SLC36A1: variants seen among roughly 807,000 people sequenced by gnomAD.
SLC36A1 encodes solute carrier family 36 member 1.
A neutral mutation model predicts 47.5 loss-of-function variants in SLC36A1; 30 were observed. The observed-to-expected ratio is 0.63, with a 90% CI of 0.47 to 0.86. The LOEUF (loss-of-function observed/expected upper bound fraction) is 0.86, where lower values mean the gene tolerates loss of function less well. Among genes scored for constraint, SLC36A1 ranks in the 40% least tolerant of loss-of-function variants. The pLI is 0.00. For synonymous variants in SLC36A1, 255 were observed against 249.7 expected (o/e 1.02, Z -0.20); for missense variants, 517 against 606.0 (o/e 0.85, Z 1.54).
downstream of SLC36A1, among the ~76,000 whole-genome samples, chr5:151,495,750 A>G (rs1760321002): frequency 6.6e-6 from 1 of 152,178 alleles, no homozygotes; most frequent in Admixed American, 6.5e-5. Flanking sequence ...AATTAATAAT[A>G]ATAATTCAAT....
chr5:151,432,705 T>C (rs1202001555), upstream of SLC36A1, among the ~76,000 whole-genome samples: 1 of 152,124 alleles, frequency 6.6e-6, no homozygotes, highest in East Asian at 1.9e-4. Flanking sequence ...TTTTCTCTGG[T>C]TGGGCAGAAA....
intron 1 of SLC36A1, among the ~76,000 whole-genome samples, chr5:151,442,417 C>A (rs1296135919): frequency 5.9e-5 from 9 of 152,060 alleles, no homozygotes. Flanking sequence ...TTATGAGGTA[C>A]ACAGTGATGT....
the SLC36A1 span, among the ~76,000 whole-genome samples, chr5:151,526,901 C>T: frequency 6.6e-6 from 1 of 152,066 alleles, no homozygotes; most frequent in Non-Finnish European, 1.5e-5. Context: ...TGGAAACAAA[C>T]AAAAAAATCC....
the SLC36A1 span, chr5:151,540,900 A>G: frequency 1.5e-6 from 1 of 664,564 alleles, no homozygotes. Context: ...CTAGGAACCC[A>G]CGATTCTACA....
intron 5 of SLC36A1, among the ~76,000 whole-genome samples, chr5:151,466,513 G>T (rs748312730): frequency 6.7e-6 from 1 of 150,184 alleles, no homozygotes; most frequent in Non-Finnish European, 1.5e-5. Context: ...ATTTAAGAAC[G>T]GTCTATAATT....
chr5:151,554,358 T>C, the SLC36A1 span: 1 of 1,607,650 alleles, frequency 6.2e-7, no homozygotes, highest in Non-Finnish European at 8.5e-7. Context: ...TTCTGTCTGC[T>C]CACCGTTAGG....
the SLC36A1 span, among the ~76,000 whole-genome samples, chr5:151,533,393 AACACACACACACACACACACACACAC>A: frequency 2.3e-5 from 3 of 132,114 alleles, no homozygotes; most frequent in South Asian, 2.7e-4. Flanking sequence ...TGTTATCTCC[AACACACACACACACACACACACACAC>A]ACACACACAC....
At chr5:151,509,995 T>C in the SLC36A1 span, 1 of 1,609,896 alleles carries the variant, frequency 6.2e-7, no homozygotes, top group South Asian at 1.1e-5. Flanking sequence ...AAGGAGCCCA[T>C]GGCAGGTGGC....
chr5:151,399,642 A>C, the SLC36A1 span, among the ~76,000 whole-genome samples: 1 of 152,180 alleles, frequency 6.6e-6, no homozygotes, highest in Non-Finnish European at 1.5e-5. Context: ...TTAAATAGTA[A>C]TTTTAAATAT....
intron 10 of SLC36A1, among the ~76,000 whole-genome samples, chr5:151,484,972 G>A (rs572157221): frequency 5.3e-5 from 8 of 151,998 alleles, no homozygotes; most frequent in Non-Finnish European, 1.2e-4. Context: ...ATTAGGCAGG[G>A]AGACCCAGAC....
At chr5:151,550,462 A>G in the SLC36A1 span, 1 of 1,089,638 alleles carries the variant, frequency 9.2e-7, no homozygotes. Context: ...CAGCTGTGAA[A>G]TGTCACAACT....
the SLC36A1 span, chr5:151,544,815 A>T: frequency 6.2e-7 from 1 of 1,614,222 alleles, no homozygotes; most frequent in Non-Finnish European, 8.5e-7. Context: ...CATATGTAAC[A>T]GCCCCATTTG....
At chr5:151,502,138 CCT>C in the SLC36A1 span, among the ~76,000 whole-genome samples, 1 of 147,658 alleles carries the variant, frequency 6.8e-6, no homozygotes, top group Non-Finnish European at 1.5e-5. Flanking sequence ...ATGGCGAAAC[CCT>C]GTCTCTACTA....
chr5:151,538,143 G>T, the SLC36A1 span, among the ~76,000 whole-genome samples: 1 of 151,934 alleles, frequency 6.6e-6, no homozygotes, highest in African/African-American at 2.4e-5. Flanking sequence ...GAACAGAGGA[G>T]GTAGAATAAG....
intron 1 of SLC36A1, among the ~76,000 whole-genome samples, chr5:151,455,222 G>A (rs1012299816): frequency 6.6e-6 from 1 of 152,312 alleles, no homozygotes; most frequent in African/African-American, 2.4e-5. Context: ...TGGAGCCGAT[G>A]TCTACCCATG....
chr5:151,460,028 T>G (rs1755274053), intron 2 of SLC36A1, among the ~76,000 whole-genome samples: 1 of 152,224 alleles, frequency 6.6e-6, no homozygotes, highest in African/African-American at 2.4e-5. Context: ...GGGTATGCTT[T>G]TGTAGATTCC....
chr5:151,425,539 C>A, the SLC36A1 span: 2 of 151,886 alleles, frequency 1.3e-5, no homozygotes, highest in Admixed American at 1.3e-4. Flanking sequence ...TGTGGGGGGA[C>A]CAATGGATGG....
the SLC36A1 span, among the ~76,000 whole-genome samples, chr5:151,547,065 C>T: frequency 6.6e-6 from 1 of 152,030 alleles, no homozygotes; most frequent in African/African-American, 2.4e-5. Context: ...TTGATGTTTT[C>T]CTTTAAATTA....
chr5:151,396,268 A>G, the SLC36A1 span, among the ~76,000 whole-genome samples: 3 of 151,730 alleles, frequency 2.0e-5, no homozygotes, highest in Admixed American at 6.6e-5. Context: ...GTGCACCACC[A>G]TGCCCGACTA....
Sources: gnomAD v4.1 joint callset for allele counts (sites outside exome capture counted in the v4.1 genomes callset) on GRCh38, gnomAD v4.1.1 for gene constraint, MANE v1.5 for transcripts, NCBI Gene and HGNC (gene_info 2026-07-23, HGNC 2026-07-21) for gene names.